Variants in XKR6 observed in about 807,000 individuals in gnomAD.
The protein encoded by XKR6 is XK related 6, also known as XK-related protein 6.
A neutral mutation model predicts 56.7 loss-of-function variants in XKR6; 22 were observed. The observed-to-expected ratio is 0.39, with a 90% confidence interval of 0.28 to 0.55. The LOEUF (loss-of-function observed/expected upper bound fraction) is 0.55, where lower values mean the gene tolerates loss of function less well. Among genes scored for constraint, XKR6 ranks in the 20% least tolerant of loss-of-function variants. The pLI is 0.66. For synonymous variants in XKR6, 524 were observed against 387.8 expected, an observed-to-expected ratio of 1.35 and a Z score of -4.13; for missense variants, 852 against 889.0, an observed-to-expected ratio of 0.96 and a Z score of 0.53.
intron 1 of XKR6, among the ~76,000 whole-genome samples, chr8:11,052,753 G>C (rs931205412): frequency 1.1e-4 from 14 of 129,042 alleles, no homozygotes; most frequent in African/African-American, 4.3e-4. Flanking sequence ...CTTGCCCACC[G>C]GGAGTGAGCC....
chr8:11,069,375 G>A (rs985493907), intron 1 of XKR6, among the ~76,000 whole-genome samples: 2 of 151,982 alleles, frequency 1.3e-5, no homozygotes, highest in Non-Finnish European at 2.9e-5. Context: ...CAGCTCTCCC[G>A]GTCTCCCCTG....
Position 10,896,078 on chromosome 8 carries a change from TGTG to T in XKR6, c.*1871_*1873del, listed in dbSNP as rs1799868915. The T allele has an allele frequency of 1.0e-5, 1 of 100,390 alleles. No individual in the cohort carries two copies. The highest frequency in any genetic ancestry group is 1.3e-4 in the Admixed American group (1 of 7,576). 6.2% of individuals were successfully genotyped at this position (100,390 alleles called of 1,614,324 possible). On this transcript the variant is annotated 3_prime_UTR_variant, in exon 3 of 3. Coordinates refer to ENST00000416569, the MANE Select transcript of XKR6 (RefSeq NM_173683.4). ...ACAGTATTTACTTAAAAATATTGTG[TGTG>T]TTTATATATATATATATATATATAC...
intron 2 of XKR6, among the ~76,000 whole-genome samples, chr8:10,921,971 T>C (rs886450939): frequency 1.3e-5 from 2 of 152,202 alleles, no homozygotes; most frequent in African/African-American, 2.4e-5. Context: ...GCGAATGGGA[T>C]TGAGGGCCTT....
In XKR6 at chr8:10,897,262, G is replaced by A. The variant is rs1171877013; in HGVS notation, c.*690C>T. The A allele has an allele frequency of 2.0e-5, 3 of 152,610 alleles. No individual in the cohort carries two copies. Among genetic ancestry groups the A allele is most frequent in the Non-Finnish European group, 4.4e-5 (3 of 68,030 alleles). 9.5% of individuals were successfully genotyped at this position (152,610 alleles called of 1,614,324 possible). A position where few individuals can be genotyped will look rare whatever the true frequency, so the allele number is the denominator to read the frequency against. ...AGGAGGGGGAGAAACTGAAAAGAGGGAGGGGTTTATGCTTTTGCTTTTGGT... is the reference window on the plus strand; with the variant it reads ...AGGAGGGGGAGAAACTGAAAAGAGGAAGGGGTTTATGCTTTTGCTTTTGGT... On this transcript the variant is annotated 3_prime_UTR_variant, in exon 3 of 3. Transcript: ENST00000416569.
chr8:11,024,759 G>T (rs1798823465), intron 1 of XKR6, among the ~76,000 whole-genome samples: 1 of 152,392 alleles, frequency 6.6e-6, no homozygotes, highest in East Asian at 1.9e-4. Context: ...ATGGGGAAGA[G>T]AATCTAGAAC....
intron 1 of XKR6, among the ~76,000 whole-genome samples, chr8:11,145,858 G>T (rs1332032774): frequency 6.6e-6 from 1 of 151,844 alleles, no homozygotes; most frequent in East Asian, 1.9e-4. Context: ...TCCAAATTCA[G>T]ATAAAAATGC....
intron 1 of XKR6, among the ~76,000 whole-genome samples, chr8:10,962,003 G>C (rs973009291): frequency 6.6e-6 from 1 of 152,166 alleles, no homozygotes; most frequent in Middle Eastern, 3.4e-3. Flanking sequence ...CCTTTTATTT[G>C]GGGGAAGGGC....
chr8:11,176,771 C>T (rs117930875), intron 1 of XKR6, among the ~76,000 whole-genome samples: 1 of 152,010 alleles, frequency 6.6e-6, no homozygotes, highest in African/African-American at 2.4e-5. Flanking sequence ...ACCCCCACCC[C>T]GCAAAGCCAC....
chr8:11,136,650 A>AGGGAT (rs1800419021), intron 1 of XKR6, among the ~76,000 whole-genome samples: 1 of 152,168 alleles, frequency 6.6e-6, no homozygotes, highest in Non-Finnish European at 1.5e-5. Context: ...TAGAGACAAG[A>AGGGAT]GGGATGATCT....
Position 11,200,314 on chromosome 8 carries a change from G to A in XKR6, c.764+262C>T, listed in dbSNP as rs1804137109. Among the ~76,000 whole-genome samples, 1 of 152,248 alleles carries A rather than the reference G, an allele frequency of 6.6e-6. No individual in the cohort carries two copies. The highest frequency in any genetic ancestry group is 2.4e-5 in the African/African-American group (1 of 41,474). ...GAGCTCTGCAGAGGGGACGGGGAGG[G>A]CAGGTTGGGGCAAGAGCCCCGCCGA... is the stretch of plus-strand genomic sequence containing the variant. On this transcript the variant is annotated intron_variant, in intron 1 of 2. Transcript: ENST00000416569. This position sits in a 1 kb window ranked among gnomAD's most constrained non-coding sequence, Gnocchi z 6.4.
intron 1 of XKR6, among the ~76,000 whole-genome samples, chr8:11,121,167 A>C (rs982021424): frequency 1.5e-4 from 23 of 152,226 alleles, no homozygotes; most frequent in South Asian, 4.1e-4. Flanking sequence ...CAATGGCAAC[A>C]AAAGCCAAAA....
At chr8:11,044,312 C>T (rs532237080) in intron 1 of XKR6, among the ~76,000 whole-genome samples, 7 of 152,326 alleles carry the variant, frequency 4.6e-5, no homozygotes, top group African/African-American at 1.4e-4. Flanking sequence ...TGCATGCATT[C>T]CCCCTTCATG....
chr8:10,983,559 T>A (rs1022485939), intron 1 of XKR6, among the ~76,000 whole-genome samples: 4 of 152,114 alleles, frequency 2.6e-5, no homozygotes, highest in Non-Finnish European at 5.9e-5. Flanking sequence ...GCCCACTAGG[T>A]TTTACAGAAA....
chr8:10,984,927 T>C (rs57084055), intron 1 of XKR6, among the ~76,000 whole-genome samples: 13,334 of 151,318 alleles, frequency 0.088, 1,701 homozygotes, highest in African/African-American at 0.28. Context: ...CAATGGATTG[T>C]GGGTTTTTGT....
chr8:10,968,318 A>G (rs1802293403), intron 1 of XKR6, among the ~76,000 whole-genome samples: 1 of 152,272 alleles, frequency 6.6e-6, no homozygotes, highest in Non-Finnish European at 1.5e-5. Context: ...CATTTAAAAA[A>G]TTAGAGAACA....
intron 1 of XKR6, among the ~76,000 whole-genome samples, chr8:11,057,283 CTTATT>C (rs910327633): frequency 6.6e-6 from 1 of 152,250 alleles, no homozygotes; most frequent in South Asian, 2.1e-4. Context: ...CACTAGATAC[CTTATT>C]TATTTCTGGT....
chr8:10,970,827 T>C (rs545401269), intron 1 of XKR6, among the ~76,000 whole-genome samples: 1 of 150,368 alleles, frequency 6.7e-6, no homozygotes, highest in East Asian at 1.9e-4. Flanking sequence ...AAAAAACCTC[T>C]GTATCATTAA....
At chr8:11,099,628 G>A (rs560520354) in intron 1 of XKR6, among the ~76,000 whole-genome samples, 3 of 152,262 alleles carry the variant, frequency 2.0e-5, no homozygotes, top group Non-Finnish European at 2.9e-5. Context: ...CCTAGGCAAG[G>A]GCAATGAAGG....
rs555524371 is a variant in XKR6 at position 10,985,627 on chromosome 8, AC to A, written c.765-60798del. Among the ~76,000 whole-genome samples the A allele has an allele frequency of 1.2e-3, 175 of 152,108 alleles. 3 individuals are homozygous for A. The South Asian group carries it at 0.029, about 25-fold the overall frequency. ...AAAAAAAAAAAGCAAAAGCAAAAAA[AC>A]AAAACAAAAAACAACAAAAACAAAC... On this transcript the variant is annotated intron_variant, in intron 1 of 2. Transcript: ENST00000416569.
Sources: gnomAD v4.1 joint callset for allele counts (sites outside exome capture counted in the v4.1 genomes callset) on GRCh38, gnomAD v4.1.1 for gene constraint, Gnocchi (gnomAD v3.1) non-coding constraint, MANE v1.5 for transcripts, NCBI Gene and HGNC (gene_info 2026-07-23, HGNC 2026-07-21) for gene names.